Variants in COL13A1 observed in about 807,000 individuals in gnomAD.
The protein encoded by COL13A1 is collagen type XIII alpha 1 chain.
COL13A1 carries 89 observed loss-of-function variants against 130.9 expected under a neutral mutation model. The ratio of observed to expected loss-of-function variants is 0.68; its 90% confidence interval spans 0.57 to 0.81. The LOEUF is 0.81. Among genes scored for constraint, COL13A1 ranks in the 30% least tolerant of loss-of-function variants. COL13A1 has a pLI of 0.00. For missense variants in COL13A1, 879 were observed against 934.6 expected (o/e 0.94, Z 0.78); for synonymous variants, 402 against 341.6 (o/e 1.18, Z -1.95).
intron 36 of COL13A1, 122 bp from the exon 37 acceptor site, chr10:69,945,549 C>T (rs1234085320): frequency 5.1e-6 from 7 of 1,365,552 alleles, no homozygotes; most frequent in Non-Finnish European, 7.0e-6. Context: ...ATAGCCCTTG[C>T]TTCCCGGAGG....
At chr10:69,903,237 A>C (rs1228050133) in intron 15 of COL13A1, among the ~76,000 whole-genome samples, 1 of 152,228 alleles carries the variant, frequency 6.6e-6, no homozygotes, top group African/African-American at 2.4e-5. Context: ...GGGGTCATCC[A>C]ACTACCTGGC....
chr10:69,950,630 T>C (rs10999049), intron 38 of COL13A1, among the ~76,000 whole-genome samples: 2,051 of 152,272 alleles, frequency 0.013, 22 homozygotes, highest in South Asian at 0.044. Flanking sequence ...TTGGGGATGA[T>C]TTGTGCCATG....
At chr10:69,878,562 A>C (rs188270368) in intron 6 of COL13A1, among the ~76,000 whole-genome samples, 71 of 151,738 alleles carry the variant, frequency 4.7e-4, no homozygotes, top group African/African-American at 1.7e-3. Flanking sequence ...GCTCACTGCA[A>C]CCTCCGTCTC....
chr10:69,949,963 TGC>T (rs1338111536), intron 38 of COL13A1, among the ~76,000 whole-genome samples: 2 of 148,364 alleles, frequency 1.3e-5, no homozygotes, highest in Admixed American at 6.7e-5. Context: ...TGTTTGTGTG[TGC>T]GTGTGTGTGT....
At chr10:69,851,218 C>G (rs1455352730) in intron 2 of COL13A1, among the ~76,000 whole-genome samples, 1 of 152,216 alleles carries the variant, frequency 6.6e-6, no homozygotes, top group Non-Finnish European at 1.5e-5. Context: ...TACATCTGTT[C>G]AGCTTTGGCT....
intron 18 of COL13A1, among the ~76,000 whole-genome samples, 181 bp downstream of exon 18, chr10:69,917,514 T>A (rs894379720): frequency 6.6e-6 from 1 of 151,912 alleles, no homozygotes; most frequent in Non-Finnish European, 1.5e-5. Context: ...GCGGGCGGCC[T>A]CCTCCTGGGC....
At chr10:69,861,376 C>T (rs190630853) in intron 2 of COL13A1, among the ~76,000 whole-genome samples, 4 of 152,290 alleles carry the variant, frequency 2.6e-5, no homozygotes, top group African/African-American at 9.6e-5. Flanking sequence ...GGGGCCAGGG[C>T]ATGAACTAAG....
At chr10:69,815,394 G>A (rs997919944) in intron 1 of COL13A1, among the ~76,000 whole-genome samples, 10 of 152,184 alleles carry the variant, frequency 6.6e-5, no homozygotes, top group Admixed American at 1.3e-4. Context: ...CCGATCAGGC[G>A]GGTGATGTTT....
chr10:69,906,758 G>C (rs2062799148), intron 17 of COL13A1, among the ~76,000 whole-genome samples: 1 of 152,044 alleles, frequency 6.6e-6, no homozygotes, highest in Admixed American at 6.5e-5. Flanking sequence ...TTGAGACAGA[G>C]TCTAACTCTG....
chr10:69,939,118 T>C (rs2067301315), intron 34 of COL13A1, among the ~76,000 whole-genome samples: 1 of 152,246 alleles, frequency 6.6e-6, no homozygotes, highest in African/African-American at 2.4e-5. Context: ...AAGTATTTTT[T>C]TTTAGTTTAA....
At chr10:69,832,204 C>A (rs2132962601) in intron 2 of COL13A1, among the ~76,000 whole-genome samples, 1 of 152,256 alleles carries the variant, frequency 6.6e-6, no homozygotes, top group Middle Eastern at 3.4e-3. Context: ...TAGGCCCTTC[C>A]AATGCTATGA....
At chr10:69,914,462 C>T (rs2063710739) in intron 17 of COL13A1, among the ~76,000 whole-genome samples, 2 of 152,308 alleles carry the variant, frequency 1.3e-5, no homozygotes, top group African/African-American at 4.8e-5. Context: ...CAACCAAGAA[C>T]CCTGGACCAG....
chr10:69,819,139 A>T (rs922891943), intron 1 of COL13A1, among the ~76,000 whole-genome samples: 2 of 152,244 alleles, frequency 1.3e-5, no homozygotes, highest in African/African-American at 4.8e-5. Context: ...TTGAACTTGA[A>T]GTTAGAGGAC....
intron 2 of COL13A1, among the ~76,000 whole-genome samples, chr10:69,824,896 G>A (rs569666064): frequency 5.9e-5 from 9 of 152,328 alleles, no homozygotes; most frequent in South Asian, 4.1e-4. Flanking sequence ...CCGGCCTTTC[G>A]TAACTGAGTC....
intron 2 of COL13A1, among the ~76,000 whole-genome samples, chr10:69,863,293 C>T (rs2133877467): frequency 6.6e-6 from 1 of 152,294 alleles, no homozygotes; most frequent in Non-Finnish European, 1.5e-5. Context: ...AGCCAAATTC[C>T]CCCGAGCTGA....
intron 3 of COL13A1, 25 bp downstream of exon 3, chr10:69,867,830 G>A (rs564249334): frequency 2.1e-5 from 15 of 718,234 alleles, no homozygotes; most frequent in African/African-American, 7.0e-5. Flanking sequence ...CGAGGGTCTC[G>A]TGCATCTGAA....
intron 2 of COL13A1, among the ~76,000 whole-genome samples, chr10:69,852,054 G>C (rs1021760119): frequency 1.3e-5 from 2 of 152,072 alleles, no homozygotes; most frequent in Admixed American, 6.5e-5. Context: ...CCCACCCCAG[G>C]GCCTTTGCAC....
At chr10:69,937,171 G>T (rs997453895) in intron 33 of COL13A1, among the ~76,000 whole-genome samples, 2 of 152,206 alleles carry the variant, frequency 1.3e-5, no homozygotes, top group Non-Finnish European at 2.9e-5. Context: ...GGCCTCCCCT[G>T]AACCATTTCA....
chr10:69,853,237 T>G (rs1212483141), intron 2 of COL13A1, among the ~76,000 whole-genome samples: 1 of 152,232 alleles, frequency 6.6e-6, no homozygotes, highest in Non-Finnish European at 1.5e-5. Context: ...TTGGTCCTGC[T>G]GTTTCCATTT....
Sources: gnomAD v4.1 joint callset for allele counts (sites outside exome capture counted in the v4.1 genomes callset) on GRCh38, gnomAD v4.1.1 for gene constraint, MANE v1.5 for transcripts, NCBI Gene and HGNC (gene_info 2026-07-23, HGNC 2026-07-21) for gene names.